Variants in RAB3B observed in about 807,000 individuals in gnomAD.
RAB3B encodes RAB3B, member RAS oncogene family, also known as ras-related protein Rab-3B.
RAB3B carries 11 observed loss-of-function variants against 20.5 expected under a neutral mutation model. The ratio of observed to expected loss-of-function variants is 0.54; its 90% CI spans 0.34 to 0.89. The LOEUF is 0.89. Ranked by LOEUF, RAB3B falls within the 40% of genes least tolerant of loss-of-function variation. The probability of loss-of-function intolerance (pLI) is 0.02; values close to 1 mark genes in which losing one functional copy is unlikely to be tolerated. For synonymous variants in RAB3B, 99 were observed against 106.3 expected (o/e 0.93, Z 0.42); for missense variants, 225 against 280.9 (o/e 0.80, Z 1.42).
intron 2 of RAB3B, among the ~76,000 whole-genome samples, chr1:51,957,436 G>A (rs549964789): frequency 3.3e-5 from 5 of 152,118 alleles, no homozygotes. Context: ...CAGTGTGAAG[G>A]GCAGCAGAAA....
At chr1:51,926,116 C>G (rs1280180765) in intron 4 of RAB3B, among the ~76,000 whole-genome samples, 2 of 152,200 alleles carry the variant, frequency 1.3e-5, no homozygotes, top group Non-Finnish European at 2.9e-5. Flanking sequence ...GTCAAACCCT[C>G]AGAAGGGGTT....
intron 2 of RAB3B, among the ~76,000 whole-genome samples, chr1:51,952,412 A>G (rs1194533103): frequency 6.6e-6 from 1 of 151,986 alleles, no homozygotes; most frequent in Non-Finnish European, 1.5e-5. Flanking sequence ...TTTTACTTCA[A>G]GTGGATTAGC....
chr1:51,977,473 G>A (rs551752890), intron 1 of RAB3B, among the ~76,000 whole-genome samples: 7 of 152,298 alleles, frequency 4.6e-5, no homozygotes, highest in Admixed American at 3.3e-4. Flanking sequence ...TAACAAAGCA[G>A]TAGATAAGTG....
intron 1 of RAB3B, among the ~76,000 whole-genome samples, chr1:51,989,164 C>T (rs1685189351): frequency 7.1e-6 from 1 of 141,226 alleles, no homozygotes; most frequent in Non-Finnish European, 1.6e-5. Context: ...CCACCCCTTT[C>T]CATCTGGATT....
intron 2 of RAB3B, among the ~76,000 whole-genome samples, chr1:51,941,458 A>C (rs754005011): frequency 6.6e-6 from 1 of 152,234 alleles, no homozygotes; most frequent in South Asian, 2.1e-4. Flanking sequence ...GCAGTAGTAC[A>C]GGTCAGACTA....
Position 51,914,081 on chromosome 1 carries a change from A to C in RAB3B, c.*5846T>G, listed in dbSNP as rs1388786382. On this transcript the variant is annotated 3_prime_UTR_variant, in exon 5 of 5. Coordinates refer to ENST00000371655, the MANE Select transcript of RAB3B (RefSeq NM_002867.4). Reference sequence around the variant, plus strand: ...CCAGCCAACCCACAGAATCATAAGAAATGATACATGTTTGTTGTTTTAAGC... The same window carrying C: ...CCAGCCAACCCACAGAATCATAAGACATGATACATGTTTGTTGTTTTAAGC... 11 of 152,170 alleles carry C rather than the reference A, an allele frequency of 7.2e-5. No homozygotes were observed. Among genetic ancestry groups the C allele is most frequent in the Admixed American group, 5.2e-4 (8 of 15,276 alleles). 9.4% of individuals were successfully genotyped at this position (152,170 alleles called of 1,614,324 possible).
Position 51,933,298 on chromosome 1 carries a change from T to G in RAB3B, c.472+20A>C, listed in dbSNP as rs371184782. 1.6e-5 allele frequency: 25 copies of G among 1,612,560 alleles called. No individual in the cohort carries two copies. In the African/African-American group the frequency reaches 3.2e-4, roughly 21 times the overall value. ...ATGTGTACAAATGCACACATGCACA[T>G]ACATGTGTCATGTACATACCAAGCT... On this transcript the variant is annotated intron_variant, in intron 4 of 4. Coordinates refer to ENST00000371655, the MANE Select transcript of RAB3B (RefSeq NM_002867.4).
chr1:51,953,075 A>AC (rs770774920), intron 2 of RAB3B, among the ~76,000 whole-genome samples: 1 of 152,172 alleles, frequency 6.6e-6, no homozygotes, highest in Non-Finnish European at 1.5e-5. Flanking sequence ...CCTTATGAGT[A>AC]CCCCACACGC....
At chr1:51,965,503 C>T (rs901253623) in intron 2 of RAB3B, among the ~76,000 whole-genome samples, 15 of 151,744 alleles carry the variant, frequency 9.9e-5, no homozygotes, top group African/African-American at 1.7e-4. Context: ...AAAAATTAGC[C>T]GGGTGCGGTG....
chr1:51,967,091 T>C (rs1684863664), intron 2 of RAB3B, among the ~76,000 whole-genome samples: 1 of 152,126 alleles, frequency 6.6e-6, no homozygotes, highest in African/African-American at 2.4e-5. Context: ...GGCAGGAGGA[T>C]CAACTGAGGT....
intron 2 of RAB3B, among the ~76,000 whole-genome samples, chr1:51,951,131 CT>C (rs35854435): frequency 0.82 from 119,027 of 144,996 alleles, 49,302 homozygotes; most frequent in East Asian, 0.95. Context: ...GTGATGCAGA[CT>C]TTTTTTTTTT....
At chr1:51,929,562 C>T (rs1377859361) in intron 4 of RAB3B, among the ~76,000 whole-genome samples, 1 of 152,148 alleles carries the variant, frequency 6.6e-6, no homozygotes, top group Non-Finnish European at 1.5e-5. Flanking sequence ...GTGATCCACC[C>T]ACCTCAGCCT....
chr1:51,912,587 AT>A lies in RAB3B; in HGVS notation c.*7339del, dbSNP rs1684020011. 9.8e-6 allele frequency: 1 copy of A among 102,402 alleles called. No homozygotes were observed. 6.3% of individuals were successfully genotyped at this position (102,402 alleles called of 1,614,324 possible). A position where few individuals can be genotyped will look rare whatever the true frequency, so the allele number is the denominator to read the frequency against. On this transcript the variant is annotated 3_prime_UTR_variant, in exon 5 of 5. Coordinates refer to ENST00000371655, the MANE Select transcript of RAB3B (RefSeq NM_002867.4). The stretch of plus-strand genomic sequence containing the variant: ...TATATATATATATATATATATATAT[AT>A]ATATATATATATAAAAAATGTTACT...
chr1:51,934,679 G>A (rs981609256), intron 3 of RAB3B, among the ~76,000 whole-genome samples: 11 of 149,992 alleles, frequency 7.3e-5, no homozygotes, highest in African/African-American at 2.7e-4. Context: ...AGGAAGCTGA[G>A]GCAGGAGAAT....
chr1:51,954,670 T>C (rs1181555970), intron 2 of RAB3B, among the ~76,000 whole-genome samples: 1 of 152,086 alleles, frequency 6.6e-6, no homozygotes, highest in African/African-American at 2.4e-5. Flanking sequence ...CATAATAAAA[T>C]AGCTTAAAAA....
chr1:51,928,871 C>T (rs773010784), intron 4 of RAB3B, among the ~76,000 whole-genome samples: 2 of 152,202 alleles, frequency 1.3e-5, no homozygotes, highest in African/African-American at 2.4e-5. Context: ...CTTTTCTCAT[C>T]CTTTTGTTCT....
At chr1:51,986,365 T>C (rs530992592) in intron 1 of RAB3B, among the ~76,000 whole-genome samples, 3 of 152,094 alleles carry the variant, frequency 2.0e-5, no homozygotes, top group Non-Finnish European at 4.4e-5. Context: ...TTAGCCAGGA[T>C]GGTCTCGGTC....
At chr1:51,958,724 C>CAAA (rs11379171) in intron 2 of RAB3B, among the ~76,000 whole-genome samples, 1 of 121,802 alleles carries the variant, frequency 8.2e-6, no homozygotes, top group Non-Finnish European at 1.7e-5. Context: ...AACTCAGTCT[C>CAAA]AAAAAAAAAA....
chr1:51,937,223 TACAGG>T, intron 3 of RAB3B, 66 bp downstream of exon 3: 2 of 1,237,964 alleles, frequency 1.6e-6, no homozygotes, highest in Non-Finnish European at 2.3e-6. Context: ...CAGCACACAA[TACAGG>T]ACCTAGCACA....
Sources: allele counts gnomAD v4.1 joint callset (sites outside exome capture counted in the v4.1 genomes callset), GRCh38; gene constraint gnomAD v4.1.1; transcripts MANE v1.5; gene names NCBI Gene and HGNC (gene_info 2026-07-23, HGNC 2026-07-21).